The following MEI1 variants were observed in gnomAD, a reference collection of about 807,000 sequenced individuals.
MEI1 encodes the protein meiosis inhibitor protein 1.
A neutral mutation model predicts 146.2 loss-of-function variants in MEI1; 103 were observed. That is an observed-to-expected ratio of 0.70 (90% CI 0.60 to 0.83). The LOEUF (loss-of-function observed/expected upper bound fraction) is 0.83. Ranked by LOEUF, MEI1 falls within the 40% of genes least tolerant of loss-of-function variation. The pLI is 0.00. For missense variants in MEI1, 1,529 were observed against 1,533.0 expected, an observed-to-expected ratio of 1.00 and a Z score of 0.04; for synonymous variants, 652 against 628.2, an observed-to-expected ratio of 1.04 and a Z score of -0.57.
At chr22:41,721,326 C>T (rs1423611328) in intron 6 of MEI1, among the ~76,000 whole-genome samples, 6 of 146,862 alleles carry the variant, frequency 4.1e-5, no homozygotes, top group Non-Finnish European at 7.5e-5. Flanking sequence ...CTCGCTGCAA[C>T]CTCCGCCTCC....
At chr22:41,754,414 TTTTTTCTTTTTC>T (rs148609596) in intron 17 of MEI1, among the ~76,000 whole-genome samples, 67 of 151,668 alleles carry the variant, frequency 4.4e-4, no homozygotes, top group Admixed American at 1.3e-3. Flanking sequence ...GTAGTGTTTC[TTTTTTCTTTTTC>T]TTTTTCTTTT....
chr22:41,778,645 G>T (rs1219277795), intron 21 of MEI1, 63 bp from the exon 22 acceptor site: 3 of 1,277,360 alleles, frequency 2.3e-6, no homozygotes, highest in African/African-American at 1.5e-5. Context: ...GCAGGGCAGG[G>T]TGTCTGACCT....
chr22:41,699,961 A>G (rs1039204726), intron 1 of MEI1, among the ~76,000 whole-genome samples: 2 of 152,166 alleles, frequency 1.3e-5, no homozygotes, highest in African/African-American at 4.8e-5. Context: ...AAGGACGGAA[A>G]TCCGGATCCC....
chr22:41,754,159 A>C, intron 17 of MEI1, 113 bp downstream of exon 17: 1 of 758,446 alleles, frequency 1.3e-6, no homozygotes, highest in Non-Finnish European at 2.3e-6. Flanking sequence ...TCTTTGCCTG[A>C]GGCTGCCCAG....
intron 11 of MEI1, among the ~76,000 whole-genome samples, chr22:41,733,143 A>G (rs993312292): frequency 1.3e-5 from 2 of 150,960 alleles, no homozygotes; most frequent in Non-Finnish European, 3.0e-5. Flanking sequence ...TTTTCTTGTT[A>G]TTATTCCCTA....
chr22:41,771,012 C>T lies in MEI1; in HGVS notation c.2544+51C>T, dbSNP rs372953481. 19 of 1,579,062 alleles carry T rather than the reference C, an allele frequency of 1.2e-5. No individual in the cohort carries two copies. In the African/African-American group the frequency reaches 2.4e-4, roughly 20 times the overall value. ...CATTCAGAAATCGTGGGCCTTCTCT[C>T]TCTGAGAGCCGGTTTACTGAGGTCA... On this transcript the variant is annotated intron_variant, in intron 20 of 30. Transcript: ENST00000401548.
At chr22:41,788,283 C>A (rs2076061984) in intron 26 of MEI1, among the ~76,000 whole-genome samples, 1 of 152,050 alleles carries the variant, frequency 6.6e-6, no homozygotes, top group South Asian at 2.1e-4. Flanking sequence ...CCTGCCTCGG[C>A]ATCCCAAAGT....
rs2076323053 is a variant in MEI1 at position 41,795,322 on chromosome 22, G to GTGTCTC, written c.3535-88_3535-83dup. ...GGCAGGTTCTGTGGGCTTCAGGACAGTGTCTCCTAAAGTTGGGGCACAGCA... is the reference window on the plus strand; with the variant it reads ...GGCAGGTTCTGTGGGCTTCAGGACAGTGTCTCTGTCTCCTAAAGTTGGGGCACAGCA... On this transcript the variant is annotated intron_variant, in intron 28 of 30. Coordinates refer to ENST00000401548, the MANE Select transcript of MEI1 (RefSeq NM_152513.4). The surrounding 1 kb of genome is among the most constrained non-coding windows in gnomAD (Gnocchi z 4.2). 1.3e-6 allele frequency: 2 copies of GTGTCTC among 1,543,962 alleles called. No homozygotes were observed. The highest frequency in any genetic ancestry group is 1.7e-5 in the Admixed American group (1 of 57,628).
At chr22:41,706,955 C>G (rs1211656644) in intron 3 of MEI1, among the ~76,000 whole-genome samples, 3 of 149,578 alleles carry the variant, frequency 2.0e-5, no homozygotes, top group Non-Finnish European at 4.4e-5. Flanking sequence ...CTTTGGGAGG[C>G]TTAGGCCTGT....
At position 41,785,810 on chromosome 22, in the gene MEI1, C is replaced by T. The variant is rs548144074; in HGVS notation, c.3345+1027C>T. Among the ~76,000 whole-genome samples the T allele has an allele frequency of 9.9e-5, 15 of 151,720 alleles. No individual in the cohort carries two copies. In the East Asian group the frequency reaches 1.2e-3, roughly 12 times the overall value. On this transcript the variant is annotated intron_variant, in intron 26 of 30. Transcript: ENST00000401548. Reference sequence around the variant, plus strand: ...AACTCCTGACCTCAGGTGATCCACCCGCTTCAGCCTCTCAAAGTGCTGGGA... The same window carrying T: ...AACTCCTGACCTCAGGTGATCCACCTGCTTCAGCCTCTCAAAGTGCTGGGA...
intron 3 of MEI1, chr22:41,709,110 C>G (rs2069331950): frequency 3.2e-6 from 2 of 634,216 alleles, no homozygotes; most frequent in South Asian, 3.2e-5. Flanking sequence ...GTTCTGTGTG[C>G]TAACAACATA....
chr22:41,713,451 T>C (rs2069791199), intron 3 of MEI1, among the ~76,000 whole-genome samples: 1 of 149,190 alleles, frequency 6.7e-6, no homozygotes, highest in Non-Finnish European at 1.5e-5. Context: ...TGGATGACCC[T>C]GTCTCTAAAC....
chr22:41,706,356 C>T (rs957875180), intron 3 of MEI1, among the ~76,000 whole-genome samples: 3 of 152,112 alleles, frequency 2.0e-5, no homozygotes, highest in African/African-American at 7.2e-5. Context: ...GTGCTAGATA[C>T]TGGATCAGGC....
intron 20 of MEI1, among the ~76,000 whole-genome samples, chr22:41,774,952 A>T (rs1455966114): frequency 6.6e-6 from 1 of 152,064 alleles, no homozygotes. Flanking sequence ...GTCTGGCCAG[A>T]TGCATTGTAG....
At chr22:41,745,845 C>T (rs1458740314) in intron 13 of MEI1, 40 bp from the exon 14 acceptor site, 1 of 1,552,856 alleles carries the variant, frequency 6.4e-7, no homozygotes, top group Admixed American at 1.8e-5. Flanking sequence ...CTTTAGGTTG[C>T]ATAGGTGGTA....
At chr22:41,784,510 A>G (rs2075880938) in intron 25 of MEI1, 90 bp downstream of exon 25, 3 of 1,594,492 alleles carry the variant, frequency 1.9e-6, no homozygotes, top group Middle Eastern at 1.7e-4. Flanking sequence ...TGGTCACTCC[A>G]TAATTGTCTC....
chr22:41,793,671 G>A (rs1602194131), intron 26 of MEI1, among the ~76,000 whole-genome samples, 158 bp from the exon 27 acceptor site: 1 of 152,236 alleles, frequency 6.6e-6, no homozygotes, highest in Non-Finnish European at 1.5e-5. Context: ...GGTGAGAGAT[G>A]AAGCCAATAA....
intron 22 of MEI1, among the ~76,000 whole-genome samples, chr22:41,779,070 A>G (rs1907476010): frequency 6.6e-6 from 1 of 152,050 alleles, no homozygotes; most frequent in African/African-American, 2.4e-5. Flanking sequence ...CATGCCTGTA[A>G]TCCCAGCACT....
At chr22:41,718,338 G>GC in intron 6 of MEI1, 64 bp downstream of exon 6, 1 of 1,509,338 alleles carries the variant, frequency 6.6e-7, no homozygotes, top group African/African-American at 1.4e-5. Flanking sequence ...GAAGACTTGA[G>GC]ATATTGGGTT....
Sources: allele counts gnomAD v4.1 joint callset (sites outside exome capture counted in the v4.1 genomes callset), GRCh38; gene constraint gnomAD v4.1.1; non-coding constraint Gnocchi (gnomAD v3.1); transcripts MANE v1.5; gene names NCBI Gene and HGNC (gene_info 2026-07-23, HGNC 2026-07-21).